Variants in ZNF385D observed in about 807,000 individuals in gnomAD.
ZNF385D encodes zinc finger protein 385D.
ZNF385D carries 15 observed loss-of-function variants against 35.8 expected under a neutral mutation model. The observed-to-expected ratio is 0.42, with a 90% CI of 0.28 to 0.64. The LOEUF (loss-of-function observed/expected upper bound fraction) is 0.64, where lower values mean the gene tolerates loss of function less well. Ranked by LOEUF, ZNF385D falls within the 30% of genes least tolerant of loss-of-function variation. The pLI is 0.23. For synonymous variants in ZNF385D, 212 were observed against 186.8 expected, an observed-to-expected ratio of 1.13 and a Z score of -1.10; for missense variants, 474 against 494.6, an observed-to-expected ratio of 0.96 and a Z score of 0.39.
At chr3:21,590,437 T>C (rs2063941222) in intron 2 of ZNF385D, among the ~76,000 whole-genome samples, 1 of 152,212 alleles carries the variant, frequency 6.6e-6, no homozygotes, top group Non-Finnish European at 1.5e-5. Flanking sequence ...TATGCTTTTA[T>C]AATTTACATA....
At chr3:22,267,282 GTATT>G (rs1321390551) in intron 2 of ZNF385D, among the ~76,000 whole-genome samples, 2 of 151,806 alleles carry the variant, frequency 1.3e-5, no homozygotes, top group African/African-American at 4.8e-5. Flanking sequence ...AAATTTAGGT[GTATT>G]TAAATTCACA....
intron 3 of ZNF385D, among the ~76,000 whole-genome samples, chr3:21,992,165 A>G (rs557287044): frequency 3.6e-4 from 55 of 152,276 alleles, no homozygotes; most frequent in African/African-American, 1.2e-3. Flanking sequence ...CACTCTAACC[A>G]AGCAATACCA....
At chr3:21,847,932 G>A (rs1461949663) in intron 3 of ZNF385D, among the ~76,000 whole-genome samples, 1 of 151,896 alleles carries the variant, frequency 6.6e-6, no homozygotes, top group East Asian at 1.9e-4. Context: ...AGATACCTAG[G>A]ACATTTTCAT....
intron 3 of ZNF385D, among the ~76,000 whole-genome samples, chr3:22,057,193 G>A (rs1699449876): frequency 6.6e-6 from 1 of 152,152 alleles, no homozygotes; most frequent in Non-Finnish European, 1.5e-5. Context: ...ACTCACTATT[G>A]TACAACCTTG....
Position 21,964,470 on chromosome 3 carries a change from A to ATTTTTT in ZNF385D, c.325+204341_325+204346dup, listed in dbSNP as rs377650103. 2.2e-4 allele frequency among the ~76,000 whole-genome samples: 15 copies of ATTTTTT among 68,160 alleles called. 2 individuals are homozygous for ATTTTTT. The highest frequency in any genetic ancestry group is 5.0e-4 in the Admixed American group (2 of 3,966). 44.7% of individuals were successfully genotyped at this position (68,160 alleles called of 152,430 possible). On this transcript the variant is annotated intron_variant, in intron 3 of 5. Coordinates refer to the ZNF385D transcript ENST00000494108. Reference sequence around the variant, plus strand: ...AAGAAAAAGATGTCCAATTTCTCAGATTTTTTTTTTTTTTTTTTTTTTTTT... The same window carrying ATTTTTT: ...AAGAAAAAGATGTCCAATTTCTCAGATTTTTTTTTTTTTTTTTTTTTTTTTTTTTTT...
At chr3:21,813,648 G>A (rs866522470) in intron 3 of ZNF385D, among the ~76,000 whole-genome samples, 2 of 151,992 alleles carry the variant, frequency 1.3e-5, no homozygotes, top group Non-Finnish European at 2.9e-5. Context: ...GAGAAGTTTA[G>A]AGAAAAAAGA....
At chr3:22,229,665 G>T (rs906790736) in intron 2 of ZNF385D, among the ~76,000 whole-genome samples, 9 of 152,106 alleles carry the variant, frequency 5.9e-5, no homozygotes, top group Admixed American at 1.3e-4. Flanking sequence ...GCCACTCTTG[G>T]TCAAAGGGAT....
intron 2 of ZNF385D, among the ~76,000 whole-genome samples, chr3:22,174,300 C>G (rs930429385): frequency 3.9e-5 from 6 of 152,136 alleles, no homozygotes; most frequent in African/African-American, 1.4e-4. Flanking sequence ...AGTCACTGTT[C>G]TTGCATCTGA....
chr3:21,950,276 G>A (rs7639658), intron 3 of ZNF385D, among the ~76,000 whole-genome samples: 39,774 of 151,488 alleles, frequency 0.26, 6,281 homozygotes, highest in Admixed American at 0.41. Context: ...GTATCTCATT[G>A]TGGTTTTGAT....
chr3:22,151,375 A>G (rs1705223054), intron 3 of ZNF385D, among the ~76,000 whole-genome samples: 1 of 152,196 alleles, frequency 6.6e-6, no homozygotes, highest in African/African-American at 2.4e-5. Flanking sequence ...AATACCCACA[A>G]GAAAGACAGC....
chr3:21,680,008 A>G (rs1037552208), intron 1 of ZNF385D, among the ~76,000 whole-genome samples: 1 of 152,158 alleles, frequency 6.6e-6, no homozygotes, highest in African/African-American at 2.4e-5. Flanking sequence ...TAAGGACTCA[A>G]AATATGATAG....
chr3:21,791,171 T>C (rs2071911879), intron 3 of ZNF385D, among the ~76,000 whole-genome samples: 3 of 152,214 alleles, frequency 2.0e-5, no homozygotes, highest in Admixed American at 2.0e-4. Context: ...ATGTTTTCTG[T>C]CCTTTTCTGA....
intron 3 of ZNF385D, among the ~76,000 whole-genome samples, chr3:21,950,008 A>G (rs776440741): frequency 6.6e-6 from 1 of 152,226 alleles, no homozygotes; most frequent in African/African-American, 2.4e-5. Flanking sequence ...ACAGTGCCAC[A>G]ATAAACATAT....
intron 3 of ZNF385D, among the ~76,000 whole-genome samples, chr3:21,766,181 G>C (rs369809203): frequency 6.6e-6 from 1 of 152,106 alleles, no homozygotes; most frequent in South Asian, 2.1e-4. Flanking sequence ...ATGACTTTCA[G>C]ATCTCCAGAT....
At chr3:21,494,835 A>G (rs1705704639) in intron 4 of ZNF385D, among the ~76,000 whole-genome samples, 1 of 152,174 alleles carries the variant, frequency 6.6e-6, no homozygotes, top group Non-Finnish European at 1.5e-5. Flanking sequence ...TAAATGAAAC[A>G]TTTCATCAAA....
chr3:21,936,781 G>T (rs1470202177), intron 3 of ZNF385D, among the ~76,000 whole-genome samples: 3 of 152,040 alleles, frequency 2.0e-5, no homozygotes, highest in Non-Finnish European at 4.4e-5. Flanking sequence ...AAAAACTGAA[G>T]CAATACCTGG....
intron 2 of ZNF385D, among the ~76,000 whole-genome samples, chr3:22,226,361 T>C (rs1698557929): frequency 6.6e-6 from 1 of 152,076 alleles, no homozygotes; most frequent in Non-Finnish European, 1.5e-5. Flanking sequence ...TGGGAAGGAC[T>C]GCCATTTCAG....
At chr3:21,873,435 A>AT (rs1343990528) in intron 3 of ZNF385D, among the ~76,000 whole-genome samples, 3 of 151,974 alleles carry the variant, frequency 2.0e-5, no homozygotes, top group Non-Finnish European at 4.4e-5. Flanking sequence ...AATACTCTAC[A>AT]TTTTTTCTAT....
At chr3:22,265,539 G>A (rs749832804) in intron 2 of ZNF385D, among the ~76,000 whole-genome samples, 25 of 151,984 alleles carry the variant, frequency 1.6e-4, no homozygotes, top group Admixed American at 3.9e-4. Context: ...AAAGCAAGTC[G>A]AACTCAATTG....
Sources: gnomAD v4.1 joint callset for allele counts (sites outside exome capture counted in the v4.1 genomes callset) on GRCh38, gnomAD v4.1.1 for gene constraint, MANE v1.5 for transcripts, NCBI Gene and HGNC (gene_info 2026-07-23, HGNC 2026-07-21) for gene names.